The following KMT2C variants were observed in gnomAD, a reference collection of about 807,000 sequenced individuals.
The protein encoded by KMT2C is lysine methyltransferase 2C.
A neutral mutation model predicts 507.9 loss-of-function variants in KMT2C; 88 were observed. That is an observed-to-expected ratio of 0.17 (90% CI 0.15 to 0.21). The LOEUF (loss-of-function observed/expected upper bound fraction) is 0.21. Among genes scored for constraint, KMT2C ranks in the 10% least tolerant of loss-of-function variants. The pLI is 1.00. For missense variants in KMT2C, 4,954 were observed against 5,957.8 expected, an observed-to-expected ratio of 0.83 and a Z score of 5.55; for synonymous variants, 2,049 against 2,080.8, an observed-to-expected ratio of 0.98 and a Z score of 0.42.
At position 152,222,013 on chromosome 7, in the gene KMT2C, C is replaced by G. The variant is rs142546291; in HGVS notation, c.3487G>C (p.Val1163Leu). 834 of 1,603,260 alleles carry G rather than the reference C, an allele frequency of 5.2e-4. 6 individuals are homozygous for G. The African/African-American group carries it at 0.01, about 20-fold the overall frequency. The change falls in exon 22 of 59, where the codon GTA (valine) becomes CTA (leucine). Residue 1163 changes from valine to leucine, a missense_variant. By Grantham distance (32) the Val-to-Leu change is conservative. Around this residue, in one of 29 missense-constraint regions of KMT2C, gnomAD observed 176 missense variants for 262.0 expected, o/e 0.67. Transcript: ENST00000262189. ...SSLVAQIVTKVKELDPPKTYT... is the reference protein window; with the variant it reads ...SSLVAQIVTKLKELDPPKTYT... ...TTTCAAATTTTACCTAGCTCTTTTA[C>G]TTTTGTGACAATTTGTGCTACAAGT...
chr7:152,364,294 A>T (rs1002822277), intron 1 of KMT2C, among the ~76,000 whole-genome samples: 4 of 152,218 alleles, frequency 2.6e-5, no homozygotes, highest in African/African-American at 7.2e-5. Flanking sequence ...CTCAAAGGTA[A>T]CATCAAAAGA....
At chr7:152,180,196 T>G in intron 36 of KMT2C, 70 bp from the exon 37 acceptor site, 1 of 1,516,224 alleles carries the variant, frequency 6.6e-7, no homozygotes, top group South Asian at 1.2e-5. Context: ...TACTGGCTTT[T>G]TATTTTTAGA....
chr7:152,356,463 C>A (rs1589410716), intron 2 of KMT2C, among the ~76,000 whole-genome samples: 2 of 151,504 alleles, frequency 1.3e-5, no homozygotes, highest in South Asian at 2.1e-4. Flanking sequence ...GTAATCCCAG[C>A]TACTCAGAAG....
chr7:152,171,589 C>T (rs1476149770), intron 39 of KMT2C, among the ~76,000 whole-genome samples: 1 of 152,182 alleles, frequency 6.6e-6, no homozygotes, highest in East Asian at 1.9e-4. Flanking sequence ...CAGAGATATT[C>T]CGTAACCTTC....
At position 152,315,828 on chromosome 7, in the gene KMT2C, G is replaced by A. The variant is rs114769520; in HGVS notation, c.390-490C>T. On this transcript the variant is annotated intron_variant, in intron 3 of 58. Coordinates refer to ENST00000262189, the MANE Select transcript of KMT2C (RefSeq NM_170606.3). ...GCTACTCGGGTGGCTGAGGCACCTC[G>A]CTTGTATCCGGGAGGTAGAGGTTGT... is the stretch of plus-strand genomic sequence containing the variant. Among the ~76,000 whole-genome samples the A allele has an allele frequency of 8.1e-3, 1,237 of 152,126 alleles. 19 individuals are homozygous for A. The highest frequency in any genetic ancestry group is 0.029 in the African/African-American group (1,192 of 41,514).
At position 152,139,584 on chromosome 7, in the gene KMT2C, T is replaced by C. The variant is rs1340226361; in HGVS notation, c.14460+91A>G. On this transcript the variant is annotated intron_variant, in intron 56 of 58. Transcript: ENST00000262189. ...TTAAAGCTGAATGCAGCATGACAGA[T>C]TTCATTCTGCCTTCCAGGGTGTCTG... is the stretch of plus-strand genomic sequence containing the variant. 9.2e-6 allele frequency: 8 copies of C among 866,866 alleles called. No individual in the cohort carries two copies. The Admixed American group carries it at 1.5e-4, about 16-fold the overall frequency. The allele number at this position is 866,866 out of a possible 1,614,324, so 53.7% of individuals were successfully genotyped here. A position where few individuals can be genotyped will look rare whatever the true frequency, so the allele number is the denominator to read the frequency against.
chr7:152,367,494 A>G, intron 1 of KMT2C: 2 of 892,540 alleles, frequency 2.2e-6, no homozygotes, highest in South Asian at 2.7e-5. Context: ...CTGGGATTAC[A>G]GGTGTGAGCC....
rs2090956853 is a variant in KMT2C, at chr7:152,144,973, T to G, written c.14175-92A>C. On this transcript the variant is annotated intron_variant, in intron 54 of 58. Coordinates refer to ENST00000262189, the MANE Select transcript of KMT2C (RefSeq NM_170606.3). This position sits in a 1 kb window ranked among gnomAD's most constrained non-coding sequence, Gnocchi z 4.4. ...CCAAAACCAGGTTAATTCAGATTCT[T>G]ACTGACAGAAACATACATGGAAAGC... 2.1e-6 allele frequency: 3 copies of G among 1,425,204 alleles called. No homozygotes were observed. The highest frequency in any genetic ancestry group is 4.8e-5 in the East Asian group (2 of 41,348). 88.3% of individuals were successfully genotyped at this position (1,425,204 alleles called of 1,614,324 possible).
At chr7:152,208,476 T>C (rs1177374992) in intron 23 of KMT2C, among the ~76,000 whole-genome samples, 4 of 152,234 alleles carry the variant, frequency 2.6e-5, no homozygotes, top group East Asian at 3.8e-4. Flanking sequence ...TGCTAGACTA[T>C]ATTCTCCATG....
chr7:152,203,650 A>G (rs935396356), intron 25 of KMT2C, among the ~76,000 whole-genome samples: 3 of 152,220 alleles, frequency 2.0e-5, no homozygotes, highest in African/African-American at 7.2e-5. Flanking sequence ...CAAAGAAACA[A>G]GAACACAGCT....
At chr7:152,300,677 T>C (rs533349063) in intron 6 of KMT2C, among the ~76,000 whole-genome samples, 1 of 152,338 alleles carries the variant, frequency 6.6e-6, no homozygotes, top group East Asian at 1.9e-4. Context: ...TGAGTCCTTC[T>C]AGCAAATCTC....
intron 24 of KMT2C, among the ~76,000 whole-genome samples, chr7:152,206,530 A>C (rs1234615234): frequency 1.3e-5 from 2 of 152,120 alleles, no homozygotes; most frequent in South Asian, 2.1e-4. Context: ...GATTTAGATC[A>C]CTCTTACCAA....
At chr7:152,301,346 A>AC (rs1162446066) in intron 6 of KMT2C, among the ~76,000 whole-genome samples, 7 of 151,654 alleles carry the variant, frequency 4.6e-5, no homozygotes, top group African/African-American at 1.7e-4. Context: ...CTACTAAAAA[A>AC]AAAATACAAA....
At chr7:152,302,424 A>C (rs1437235135) in intron 6 of KMT2C, among the ~76,000 whole-genome samples, 1 of 152,008 alleles carries the variant, frequency 6.6e-6, no homozygotes, top group African/African-American at 2.4e-5. Flanking sequence ...GGGTTTCATC[A>C]CATTGGCCAG....
At chr7:152,387,862 G>GA (rs2097446302) in intron 1 of KMT2C, among the ~76,000 whole-genome samples, 1 of 151,850 alleles carries the variant, frequency 6.6e-6, no homozygotes, top group African/African-American at 2.4e-5. Flanking sequence ...AAAACATCTA[G>GA]AAAAATATAC....
chr7:152,356,163 T>G (rs900934000), intron 2 of KMT2C, among the ~76,000 whole-genome samples: 1 of 152,180 alleles, frequency 6.6e-6, no homozygotes, highest in Non-Finnish European at 1.5e-5. Context: ...TCTTTTCTAA[T>G]TGTTCTCTAT....
intron 14 of KMT2C, among the ~76,000 whole-genome samples, chr7:152,247,318 C>CTT (rs1192132969): frequency 1.3e-5 from 2 of 152,040 alleles, no homozygotes; most frequent in Non-Finnish European, 2.9e-5. Flanking sequence ...GAAGATTTAT[C>CTT]TTTACTTACT....
At chr7:152,354,235 G>A (rs1018386737) in intron 2 of KMT2C, among the ~76,000 whole-genome samples, 2 of 152,094 alleles carry the variant, frequency 1.3e-5, no homozygotes, top group Non-Finnish European at 2.9e-5. Flanking sequence ...CAGTCCATTC[G>A]TGGGGCTTAC....
intron 46 of KMT2C, 132 bp downstream of exon 46, chr7:152,155,778 G>T: frequency 2.3e-6 from 2 of 881,488 alleles, no homozygotes; most frequent in Non-Finnish European, 3.3e-6. Flanking sequence ...AAATCCTGAA[G>T]ATTATTCACC....
Sources: allele counts gnomAD v4.1 joint callset (sites outside exome capture counted in the v4.1 genomes callset), GRCh38; gene constraint gnomAD v4.1.1; regional missense constraint gnomAD v4.1.1; non-coding constraint Gnocchi (gnomAD v3.1); transcripts MANE v1.5; gene names NCBI Gene and HGNC (gene_info 2026-07-23, HGNC 2026-07-21).